The following ADAM12 variants were observed in gnomAD, a reference collection of about 807,000 sequenced individuals.
ADAM12 encodes the protein disintegrin and metalloproteinase domain-containing protein 12.
A neutral mutation model predicts 106.4 loss-of-function variants in ADAM12; 70 were observed. The observed-to-expected ratio is 0.66, with a 90% CI of 0.54 to 0.80. ADAM12 has a LOEUF of 0.80. Ranked by LOEUF, ADAM12 falls within the 30% of genes least tolerant of loss-of-function variation. The pLI is 0.00. For missense variants in ADAM12, 1,010 were observed against 1,171.9 expected, an observed-to-expected ratio of 0.86 and a Z score of 2.02; for synonymous variants, 420 against 433.5, an observed-to-expected ratio of 0.97 and a Z score of 0.39.
chr10:126,320,192 G>A (rs559764561), intron 2 of ADAM12, among the ~76,000 whole-genome samples: 19 of 152,206 alleles, frequency 1.2e-4, no homozygotes, highest in Non-Finnish European at 2.4e-4. Context: ...TTAGGCAGGC[G>A]GTAACAAAAA....
intron 3 of ADAM12, chr10:126,272,730 G>C (rs147560159): frequency 1.1e-5 from 2 of 178,152 alleles, no homozygotes; most frequent in African/African-American, 2.4e-5. Context: ...CTGTTGGTCC[G>C]GGTGCTGCTG....
chr10:126,086,469 A>C (rs1955342988), intron 11 of ADAM12, among the ~76,000 whole-genome samples: 1 of 150,310 alleles, frequency 6.7e-6, no homozygotes, highest in Admixed American at 6.6e-5. Context: ...CGAGGCCAGC[A>C]GTTTGAGACC....
intron 4 of ADAM12, among the ~76,000 whole-genome samples, chr10:126,152,377 T>C (rs1024680600): frequency 1.3e-5 from 2 of 152,080 alleles, no homozygotes; most frequent in African/African-American, 4.8e-5. Flanking sequence ...AAGTTACATC[T>C]GGATTCTGCC....
intron 3 of ADAM12, among the ~76,000 whole-genome samples, chr10:126,260,850 T>A (rs1196041295): frequency 6.6e-6 from 1 of 152,224 alleles, no homozygotes; most frequent in African/African-American, 2.4e-5. Context: ...ACTTGTATGA[T>A]GTGACATATA....
chr10:126,262,280 G>A (rs1414719098), intron 3 of ADAM12, among the ~76,000 whole-genome samples: 3 of 152,054 alleles, frequency 2.0e-5, no homozygotes, highest in Non-Finnish European at 4.4e-5. Flanking sequence ...TATAGTATTT[G>A]TGTTGGTTTT....
intron 2 of ADAM12, among the ~76,000 whole-genome samples, chr10:126,315,892 C>T (rs189271974): frequency 3.5e-4 from 54 of 152,282 alleles, no homozygotes; most frequent in Non-Finnish European, 7.1e-4. Context: ...TCTGGCTGAC[C>T]GACAGCTCCC....
intron 3 of ADAM12, among the ~76,000 whole-genome samples, chr10:126,211,873 C>T (rs1409799144): frequency 1.3e-5 from 2 of 152,228 alleles, no homozygotes; most frequent in Non-Finnish European, 2.9e-5. Flanking sequence ...CCGCGTGAGT[C>T]GATAAACACC....
chr10:126,108,756 T>C, intron 7 of ADAM12, 92 bp from the exon 8 acceptor site: 1 of 1,218,586 alleles, frequency 8.2e-7, no homozygotes, highest in Non-Finnish European at 1.2e-6. Flanking sequence ...TCTTGGGATT[T>C]TACAAACCAC....
intron 4 of ADAM12, among the ~76,000 whole-genome samples, chr10:126,146,876 C>T (rs1490598345): frequency 1.3e-5 from 2 of 152,208 alleles, no homozygotes; most frequent in African/African-American, 2.4e-5. Context: ...ATGAGATGTG[C>T]GTGATCTCTG....
intron 3 of ADAM12, among the ~76,000 whole-genome samples, chr10:126,206,860 C>CGGGGGG (rs907511503): frequency 4.1e-5 from 4 of 97,834 alleles, no homozygotes; most frequent in Admixed American, 1.1e-4. Flanking sequence ...GTTGTGGGGG[C>CGGGGGG]GGGGGGGAGC....
At chr10:126,332,633 T>C (rs1341165760) in intron 1 of ADAM12, among the ~76,000 whole-genome samples, 1 of 152,152 alleles carries the variant, frequency 6.6e-6, no homozygotes, top group Non-Finnish European at 1.5e-5. Context: ...ATGGTGAGCT[T>C]ATAAGCTGAG....
chr10:126,337,456 G>A (rs570983454), intron 1 of ADAM12, among the ~76,000 whole-genome samples: 1 of 152,308 alleles, frequency 6.6e-6, no homozygotes, highest in East Asian at 1.9e-4. Flanking sequence ...CAGGAGGAGT[G>A]GGAGGAAGCA....
Position 126,043,900 on chromosome 10 carries a change from G to A in ADAM12, c.1996-752C>T, listed in dbSNP as rs970066372. On this transcript the variant is annotated intron_variant, in intron 17 of 22. Coordinates refer to ENST00000448723, the MANE Select transcript of ADAM12 (RefSeq NM_001288973.2). The surrounding 1 kb of genome is among the most constrained non-coding windows in gnomAD (Gnocchi z 4.1). ...TGGCACGGCGGGAAAGGGAGACCAA[G>A]AAAGCCCGAGGAGGCTGTGCTTCAC... is the stretch of plus-strand genomic sequence containing the variant. Among the ~76,000 whole-genome samples, 13 of 152,162 alleles carry A rather than the reference G, an allele frequency of 8.5e-5. No homozygotes were observed. Among genetic ancestry groups the A allele is most frequent in the African/African-American group, 2.9e-4 (12 of 41,446 alleles).
intron 2 of ADAM12, among the ~76,000 whole-genome samples, chr10:126,304,854 A>C (rs1346350093): frequency 6.6e-6 from 1 of 152,118 alleles, no homozygotes; most frequent in Non-Finnish European, 1.5e-5. Flanking sequence ...ATTTCATGAA[A>C]TATCAGGGAA....
Position 126,194,488 on chromosome 10 carries a change from G to A in ADAM12, c.261-39183C>T, listed in dbSNP as rs180914326. Among the ~76,000 whole-genome samples the A allele has an allele frequency of 1.0e-3, 158 of 152,278 alleles. 1 individual carries two copies. Among genetic ancestry groups the A allele is most frequent in the African/African-American group, 3.6e-3 (150 of 41,568 alleles). On this transcript the variant is annotated intron_variant, in intron 3 of 22. Transcript: ENST00000448723. ...TGATTTAATGTAGCATTTCTCACACGTAGAGAAAGTCTCCAATTCTCAGAG... is the reference window on the plus strand; with the variant it reads ...TGATTTAATGTAGCATTTCTCACACATAGAGAAAGTCTCCAATTCTCAGAG...
chr10:126,242,277 A>C (rs1958542054), intron 3 of ADAM12, among the ~76,000 whole-genome samples: 1 of 152,034 alleles, frequency 6.6e-6, no homozygotes, highest in African/African-American at 2.4e-5. Context: ...ATACTTTAAA[A>C]CCCCCTTGAC....
intron 3 of ADAM12, among the ~76,000 whole-genome samples, chr10:126,267,832 G>T (rs11244925): frequency 0.017 from 2,527 of 151,798 alleles, 51 homozygotes; most frequent in East Asian, 0.057. Flanking sequence ...GGCGGTGGGG[G>T]TGGATTTAGA....
intron 3 of ADAM12, among the ~76,000 whole-genome samples, chr10:126,255,173 C>T (rs528824795): frequency 3.9e-5 from 6 of 152,254 alleles, no homozygotes; most frequent in Non-Finnish European, 7.4e-5. Context: ...CCAGTGGTGT[C>T]GCCGGCCAGC....
At chr10:126,034,457 A>T (rs1438999648) in intron 21 of ADAM12, among the ~76,000 whole-genome samples, 1 of 152,360 alleles carries the variant, frequency 6.6e-6, no homozygotes, top group South Asian at 2.1e-4. Flanking sequence ...ATAAATGCAG[A>T]TAAATCAATA....
Sources: allele counts gnomAD v4.1 joint callset (sites outside exome capture counted in the v4.1 genomes callset), GRCh38; gene constraint gnomAD v4.1.1; non-coding constraint Gnocchi (gnomAD v3.1); transcripts MANE v1.5; gene names NCBI Gene and HGNC (gene_info 2026-07-23, HGNC 2026-07-21).